The following ROBO2 variants were observed in gnomAD, a reference collection of about 807,000 sequenced individuals.
The protein encoded by ROBO2 is roundabout guidance receptor 2, also known as roundabout homolog 2.
A neutral mutation model predicts 160.8 loss-of-function variants in ROBO2; 53 were observed. That is an observed-to-expected ratio of 0.33 (90% confidence interval 0.26 to 0.41). The LOEUF (loss-of-function observed/expected upper bound fraction) is 0.41, where lower values mean the gene tolerates loss of function less well. Ranked by LOEUF, ROBO2 falls within the 10% of genes least tolerant of loss-of-function variation. The pLI is 1.00. For synonymous variants in ROBO2, 664 were observed against 611.7 expected, an observed-to-expected ratio of 1.09 and a Z score of -1.26; for missense variants, 1,577 against 1,722.4, an observed-to-expected ratio of 0.92 and a Z score of 1.49.
intron 2 of ROBO2, among the ~76,000 whole-genome samples, chr3:76,146,667 A>C (rs1466599239): frequency 6.7e-6 from 1 of 149,614 alleles, no homozygotes; most frequent in Non-Finnish European, 1.5e-5. Flanking sequence ...AATAGTCCCC[A>C]TTCTCACTTA....
intron 2 of ROBO2, among the ~76,000 whole-genome samples, chr3:76,507,405 T>A (rs1488242977): frequency 6.6e-6 from 1 of 152,112 alleles, no homozygotes; most frequent in Non-Finnish European, 1.5e-5. Flanking sequence ...GAGTTCTTTA[T>A]AAGAAAAACG....
intron 2 of ROBO2, among the ~76,000 whole-genome samples, chr3:76,126,186 G>C (rs578025945): frequency 6.6e-6 from 1 of 152,260 alleles, no homozygotes; most frequent in South Asian, 2.1e-4. Context: ...GAGTGAATCA[G>C]GTCAAACTCT....
At chr3:77,312,119 AAAT>A (rs1229404903) in intron 2 of ROBO2, among the ~76,000 whole-genome samples, 13 of 152,290 alleles carry the variant, frequency 8.5e-5, no homozygotes, top group Non-Finnish European at 1.6e-4. Context: ...GAAAATTTTA[AAAT>A]TTTTTAAGTT....
chr3:75,969,989 G>C (rs1018659855), intron 2 of ROBO2, among the ~76,000 whole-genome samples: 1 of 151,486 alleles, frequency 6.6e-6, no homozygotes, highest in African/African-American at 2.4e-5. Context: ...TTTTCTCTGT[G>C]TTTTCTTCTG....
At chr3:76,794,157 T>C (rs945033808) in intron 2 of ROBO2, among the ~76,000 whole-genome samples, 4 of 151,888 alleles carry the variant, frequency 2.6e-5, no homozygotes, top group Admixed American at 6.6e-5. Flanking sequence ...TTCATACCAG[T>C]ACAGCTTGAA....
At chr3:76,367,732 C>T (rs2075896687) in intron 2 of ROBO2, among the ~76,000 whole-genome samples, 1 of 151,976 alleles carries the variant, frequency 6.6e-6, no homozygotes, top group South Asian at 2.1e-4. Context: ...GCCTCTTACC[C>T]AGATATTTTC....
intron 2 of ROBO2, among the ~76,000 whole-genome samples, chr3:77,024,022 A>G (rs1278031437): frequency 6.6e-6 from 1 of 152,208 alleles, no homozygotes; most frequent in Non-Finnish European, 1.5e-5. Flanking sequence ...CATTTTCTTC[A>G]GGTCTAATAA....
intron 2 of ROBO2, among the ~76,000 whole-genome samples, chr3:76,948,908 A>ATATATT (rs1209284372): frequency 1.6e-4 from 4 of 24,970 alleles, no homozygotes; most frequent in Non-Finnish European, 2.0e-4. Flanking sequence ...ATATATATAT[A>ATATATT]TTTTTTTTTT....
At chr3:76,180,372 A>G (rs1183705804) in intron 2 of ROBO2, among the ~76,000 whole-genome samples, 1 of 152,132 alleles carries the variant, frequency 6.6e-6, no homozygotes. Context: ...CACGTATCCA[A>G]CTGCTTAATT....
chr3:77,291,869 A>G (rs1375357878), intron 2 of ROBO2, among the ~76,000 whole-genome samples: 7 of 151,766 alleles, frequency 4.6e-5, no homozygotes, highest in East Asian at 1.9e-4. Context: ...CCCCAGACAT[A>G]AAGTAAAATT....
Position 77,154,087 on chromosome 3 carries a change from A to G in ROBO2, c.388+55747A>G, listed in dbSNP as rs191517963. On this transcript the variant is annotated intron_variant, in intron 2 of 25. Transcript: ENST00000461745. ...ATATCAGAAAAAGCAGTTTCTTCTT[A>G]ATAGACTGCTAACAGAATTATAATG... 1.3e-3 allele frequency among the ~76,000 whole-genome samples: 204 copies of G among 152,178 alleles called. 2 individuals carry two copies. The highest frequency in any genetic ancestry group is 4.7e-3 in the African/African-American group (195 of 41,556).
rs372590481 is a variant in ROBO2 at position 76,335,721 on chromosome 3, G to A, written c.109+398119G>A. 3.6e-4 allele frequency among the ~76,000 whole-genome samples: 54 copies of A among 151,920 alleles called. 1 individual carries two copies. In the South Asian group the frequency reaches 0.011, roughly 30 times the overall value. ...GCCTCCCGAGCAGCTGGGACTACAG[G>A]CGCCGCCACCACGCCCAGCTAATTT... On this transcript the variant is annotated intron_variant, in intron 2 of 26. Transcript: ENST00000487694.
At chr3:76,687,074 T>G (rs2092701510) in intron 2 of ROBO2, among the ~76,000 whole-genome samples, 2 of 152,108 alleles carry the variant, frequency 1.3e-5, no homozygotes, top group African/African-American at 4.8e-5. Context: ...CATGCACGTA[T>G]TCATGTATAG....
At chr3:76,260,290 A>G (rs1295860727) in intron 2 of ROBO2, among the ~76,000 whole-genome samples, 1 of 152,124 alleles carries the variant, frequency 6.6e-6, no homozygotes, top group African/African-American at 2.4e-5. Context: ...TATAAATCCC[A>G]TAGGGCTGAT....
chr3:77,459,052 C>G (rs2081981067), intron 2 of ROBO2, among the ~76,000 whole-genome samples: 1 of 152,072 alleles, frequency 6.6e-6, no homozygotes, highest in East Asian at 1.9e-4. Flanking sequence ...TTATTCCACC[C>G]CACTAGACAA....
intron 2 of ROBO2, among the ~76,000 whole-genome samples, chr3:77,102,512 A>G (rs1473092625): frequency 1.3e-5 from 2 of 152,232 alleles, no homozygotes; most frequent in African/African-American, 2.4e-5. Flanking sequence ...TATGTAGGAC[A>G]TAAACATGTC....
chr3:76,701,869 G>T (rs1198438576), intron 2 of ROBO2, among the ~76,000 whole-genome samples: 10 of 149,872 alleles, frequency 6.7e-5, no homozygotes, highest in East Asian at 5.9e-4. Context: ...AAAAACAAAG[G>T]TCACTTTTAT....
intron 11 of ROBO2, among the ~76,000 whole-genome samples, chr3:77,563,545 T>C (rs2093395334): frequency 6.6e-6 from 1 of 152,124 alleles, no homozygotes; most frequent in Admixed American, 6.6e-5. Context: ...CATGCCTAGG[T>C]CTATGGGGAT....
At chr3:76,386,639 T>C (rs2076905131) in intron 2 of ROBO2, among the ~76,000 whole-genome samples, 1 of 152,116 alleles carries the variant, frequency 6.6e-6, no homozygotes, top group Admixed American at 6.5e-5. Flanking sequence ...TTTCCAAGTA[T>C]AATTAAGTCT....
Sources: gnomAD v4.1 joint callset for allele counts (sites outside exome capture counted in the v4.1 genomes callset) on GRCh38, gnomAD v4.1.1 for gene constraint, MANE v1.5 for transcripts, NCBI Gene and HGNC (gene_info 2026-07-23, HGNC 2026-07-21) for gene names.